Variants in LRRTM3 observed in about 807,000 individuals in gnomAD.
The protein encoded by LRRTM3 is leucine rich repeat transmembrane neuronal 3.
LRRTM3 carries 24 observed loss-of-function variants against 44.7 expected under a neutral mutation model. That is an observed-to-expected ratio of 0.54 (90% confidence interval 0.39 to 0.76). The LOEUF is 0.76. Among genes scored for constraint, LRRTM3 ranks in the 30% least tolerant of loss-of-function variants. The probability of loss-of-function intolerance (pLI) is 0.00; values close to 1 mark genes in which losing one functional copy is unlikely to be tolerated. For synonymous variants in LRRTM3, 277 were observed against 278.7 expected (o/e 0.99, Z 0.06); for missense variants, 587 against 702.2 (o/e 0.84, Z 1.85).
intron 2 of LRRTM3, among the ~76,000 whole-genome samples, chr10:67,009,866 G>T (rs1193656679): frequency 6.6e-6 from 1 of 152,062 alleles, no homozygotes; most frequent in African/African-American, 2.4e-5. Context: ...GACTTTCTAT[G>T]TTATGGTTTG....
chr10:67,082,020 A>G (rs1857083145), intron 2 of LRRTM3, among the ~76,000 whole-genome samples: 2 of 152,204 alleles, frequency 1.3e-5, no homozygotes, highest in Admixed American at 1.3e-4. Flanking sequence ...TGTTCACAAA[A>G]TAGGAGTACC....
intron 2 of LRRTM3, among the ~76,000 whole-genome samples, chr10:67,078,223 T>A (rs1395924271): frequency 6.6e-6 from 1 of 152,194 alleles, no homozygotes; most frequent in African/African-American, 2.4e-5. Flanking sequence ...CAAATGGGCA[T>A]GAAGAGTGAT....
intron 2 of LRRTM3, among the ~76,000 whole-genome samples, chr10:67,049,392 CA>C (rs1172511609): frequency 2.0e-5 from 3 of 152,092 alleles, no homozygotes; most frequent in Non-Finnish European, 4.4e-5. Context: ...GAACTACATA[CA>C]AAATGTAAAC....
At chr10:66,955,318 A>G (rs1848730459) in intron 2 of LRRTM3, among the ~76,000 whole-genome samples, 1 of 152,162 alleles carries the variant, frequency 6.6e-6, no homozygotes, top group Admixed American at 6.6e-5. Flanking sequence ...GACTCTGAAT[A>G]ATATCTATCA....
At chr10:67,086,487 T>C (rs1857316785) in intron 2 of LRRTM3, among the ~76,000 whole-genome samples, 1 of 152,018 alleles carries the variant, frequency 6.6e-6, no homozygotes. Flanking sequence ...CTGCTTGGGT[T>C]CAGCAAATCC....
At chr10:66,929,948 G>A (rs1351942241) in intron 2 of LRRTM3, among the ~76,000 whole-genome samples, 2 of 152,158 alleles carry the variant, frequency 1.3e-5, no homozygotes, top group Non-Finnish European at 2.9e-5. Flanking sequence ...CATTGAGGCT[G>A]TTTCATTTAA....
intron 2 of LRRTM3, among the ~76,000 whole-genome samples, chr10:66,954,482 T>C (rs899564775): frequency 3.3e-5 from 5 of 152,156 alleles, no homozygotes; most frequent in Non-Finnish European, 7.3e-5. Context: ...TGTTGTGCAC[T>C]ACACGGTCCC....
At position 66,928,565 on chromosome 10, in the gene LRRTM3, C is replaced by T. The variant is rs115272349; in HGVS notation, c.1536+113C>T. Reference sequence around the variant, plus strand: ...ATGCCCCCCCTCCCCTTCCCTCTCCCTCTCACTTTGCTGGCAAGATCCTTC... The same window carrying T: ...ATGCCCCCCCTCCCCTTCCCTCTCCTTCTCACTTTGCTGGCAAGATCCTTC... On this transcript the variant is annotated intron_variant, in intron 2 of 2. Coordinates refer to ENST00000361320, the MANE Select transcript of LRRTM3 (RefSeq NM_178011.5). 1.9e-4 allele frequency: 187 copies of T among 980,862 alleles called. 1 individual carries two copies. In the African/African-American group the frequency reaches 2.3e-3, roughly 12 times the overall value. The allele number at this position is 980,862 out of a possible 1,614,324, so 60.8% of individuals were successfully genotyped here.
intron 2 of LRRTM3, among the ~76,000 whole-genome samples, chr10:67,040,482 G>C (rs1274168740): frequency 6.6e-6 from 1 of 152,064 alleles, no homozygotes; most frequent in African/African-American, 2.4e-5. Flanking sequence ...CCATGAAAAT[G>C]ATGAGCCAGC....
At chr10:66,939,896 T>A (rs748295184) in intron 2 of LRRTM3, among the ~76,000 whole-genome samples, 1 of 152,372 alleles carries the variant, frequency 6.6e-6, no homozygotes, top group Non-Finnish European at 1.5e-5. Flanking sequence ...ACTGCAATCC[T>A]CAAGTTCTCT....
chr10:66,979,713 AT>A (rs900460835), intron 2 of LRRTM3, among the ~76,000 whole-genome samples: 12 of 152,218 alleles, frequency 7.9e-5, no homozygotes, highest in African/African-American at 2.9e-4. Context: ...TTGTGCACAC[AT>A]TGAGTGCCCA....
Position 66,927,466 on chromosome 10 carries a change from G to A in LRRTM3, c.550G>A (p.Glu184Lys). The A allele has an allele frequency of 6.2e-7, 1 of 1,614,084 alleles. No individual in the cohort carries two copies. Among genetic ancestry groups the A allele is most frequent in the Non-Finnish European group, 8.5e-7 (1 of 1,180,036 alleles). The change falls in exon 2 of 3, where the codon GAA becomes AAA. Residue 184 changes from glutamate (E) to lysine (K), a missense_variant. Glu to Lys is a moderately conservative substitution (Grantham distance 56). Coordinates refer to ENST00000361320, the MANE Select transcript of LRRTM3 (RefSeq NM_178011.5). This position sits in a 1 kb window ranked among gnomAD's most constrained non-coding sequence, Gnocchi z 4.7. ...AATATTCCAAGACTGCCGCAACCTG[G>A]AACTTTTGGACCTGGGATATAACCG... Reference protein sequence around the residue: ...VRIFQDCRNLELLDLGYNRIR... With the variant: ...VRIFQDCRNLKLLDLGYNRIR...
chr10:66,926,980 G>C lies in LRRTM3; in HGVS notation c.64G>C (p.Val22Leu), dbSNP rs140888093. The change falls in exon 2 of 3, where the codon GTC (valine) becomes CTC (leucine). Residue 22 changes from valine (V) to leucine (L), a missense_variant. By Grantham distance (32) the Val-to-Leu change is conservative. This residue lies in a region of LRRTM3 where 50 missense variants were observed against 43.4 expected (regional missense o/e 1.15). Coordinates refer to ENST00000361320, the MANE Select transcript of LRRTM3 (RefSeq NM_178011.5). Reference sequence around the variant, plus strand: ...TGTAGCACTGGTTATAGCCCCCACTGTCTTACTGACAATGCTTTCTTCTGC... The same window carrying C: ...TGTAGCACTGGTTATAGCCCCCACTCTCTTACTGACAATGCTTTCTTCTGC... ...SAVALVIAPT[V>L]LLTMLSSAER... 2.4e-4 allele frequency: 393 copies of C among 1,614,092 alleles called. 2 individuals carry two copies. The highest frequency in any genetic ancestry group is 1.8e-3 in the Middle Eastern group (11 of 6,062).
In LRRTM3 at chr10:66,931,294, C is replaced by G. The variant is rs200700153; in HGVS notation, c.1536+2842C>G. On this transcript the variant is annotated intron_variant, in intron 2 of 2. Transcript: ENST00000361320. ...GAAGAAATGGGATTTAGTCTCTAAACTTCATGTGAGTTTTTTTCCATTTTT... is the reference window on the plus strand; with the variant it reads ...GAAGAAATGGGATTTAGTCTCTAAAGTTCATGTGAGTTTTTTTCCATTTTT... Among the ~76,000 whole-genome samples the G allele has an allele frequency of 8.7e-5, 13 of 148,806 alleles. No individual in the cohort carries two copies. In the East Asian group the frequency reaches 2.6e-3, roughly 30 times the overall value.
intron 2 of LRRTM3, among the ~76,000 whole-genome samples, chr10:66,960,872 A>C (rs1925565): frequency 0.97 from 146,941 of 152,192 alleles, 71,153 homozygotes; most frequent in East Asian, 1. Flanking sequence ...GAAGGAAAGG[A>C]TCTGTAGAAA....
chr10:66,975,314 C>T (rs925263634), intron 2 of LRRTM3, among the ~76,000 whole-genome samples: 2 of 152,158 alleles, frequency 1.3e-5, no homozygotes, highest in Non-Finnish European at 2.9e-5. Context: ...GTATGCACAA[C>T]ATGCATGCTG....
chr10:66,991,292 T>C (rs1318350802), intron 2 of LRRTM3, among the ~76,000 whole-genome samples: 3 of 152,190 alleles, frequency 2.0e-5, no homozygotes, highest in Non-Finnish European at 4.4e-5. Flanking sequence ...TCAAGACATA[T>C]ATTTCTAAGT....
At chr10:66,980,380 A>G (rs1346601408) in intron 2 of LRRTM3, among the ~76,000 whole-genome samples, 1 of 152,186 alleles carries the variant, frequency 6.6e-6, no homozygotes, top group East Asian at 1.9e-4. Flanking sequence ...CAAACTATAT[A>G]GGGAAGCCAT....
At chr10:67,074,799 T>C (rs1415487212) in intron 2 of LRRTM3, among the ~76,000 whole-genome samples, 1 of 151,240 alleles carries the variant, frequency 6.6e-6, no homozygotes, top group Non-Finnish European at 1.5e-5. Context: ...CTTAATATTA[T>C]GAACATAACA....
Sources: gnomAD v4.1 joint callset for allele counts (sites outside exome capture counted in the v4.1 genomes callset) on GRCh38, gnomAD v4.1.1 for gene constraint, gnomAD v4.1.1 regional missense constraint, Gnocchi (gnomAD v3.1) non-coding constraint, MANE v1.5 for transcripts, NCBI Gene and HGNC (gene_info 2026-07-23, HGNC 2026-07-21) for gene names.